The following CNTN3 variants were observed in gnomAD, a reference collection of about 807,000 sequenced individuals.
CNTN3 encodes contactin-3.
A neutral mutation model predicts 119.1 loss-of-function variants in CNTN3; 60 were observed. The observed-to-expected ratio is 0.50, with a 90% CI of 0.41 to 0.62. CNTN3 has a LOEUF of 0.62. Ranked by LOEUF, CNTN3 falls within the 20% of genes least tolerant of loss-of-function variation. The pLI is 0.00. For synonymous variants in CNTN3, 450 were observed against 438.7 expected (o/e 1.03, Z -0.32); for missense variants, 1,101 against 1,242.4 (o/e 0.89, Z 1.71).
intron 5 of CNTN3, among the ~76,000 whole-genome samples, chr3:74,393,023 C>T (rs1180755712): frequency 6.6e-6 from 1 of 151,978 alleles, no homozygotes; most frequent in Non-Finnish European, 1.5e-5. Flanking sequence ...TCAAAAGGTG[C>T]TATTTTAAGA....
Position 74,512,711 on chromosome 3 carries a change from A to AAG in CNTN3, c.55+8346_55+8347insCT, listed in dbSNP as rs1345646895. ...ATCAAGCAAAAAAAAAAAAAAAAAA[A>AAG]AAAAGAAAGAAAGAAACATGTCATT... is the stretch of plus-strand genomic sequence containing the variant. On this transcript the variant is annotated intron_variant, in intron 2 of 22. Transcript: ENST00000263665. 8.6e-5 allele frequency among the ~76,000 whole-genome samples: 13 copies of AAG among 150,542 alleles called. No homozygotes were observed. The East Asian group carries it at 2.3e-3, about 27-fold the overall frequency.
At chr3:74,577,607 C>A (rs990882826) in intron 1 of CNTN3, among the ~76,000 whole-genome samples, 4 of 152,038 alleles carry the variant, frequency 2.6e-5, no homozygotes, top group Non-Finnish European at 4.4e-5. Flanking sequence ...CTCATTCACC[C>A]AAAACAGAAA....
At chr3:74,512,436 A>G (rs967660710) in intron 2 of CNTN3, among the ~76,000 whole-genome samples, 31 of 152,214 alleles carry the variant, frequency 2.0e-4, no homozygotes, top group Non-Finnish European at 4.6e-4. Context: ...GGGAATCAGT[A>G]TAATGCCCAC....
chr3:74,468,861 TC>T (rs1293279652), intron 4 of CNTN3, among the ~76,000 whole-genome samples: 4 of 152,182 alleles, frequency 2.6e-5, no homozygotes, highest in Non-Finnish European at 5.9e-5. Context: ...AACATTATTT[TC>T]CAAACTGAAT....
chr3:74,501,141 G>C (rs1411818156), intron 2 of CNTN3, among the ~76,000 whole-genome samples: 1 of 151,682 alleles, frequency 6.6e-6, no homozygotes, highest in Non-Finnish European at 1.5e-5. Context: ...GGCCACACTA[G>C]ATCTTAGGGT....
In CNTN3 at chr3:74,313,831, T is replaced by A. The variant is rs376622275; in HGVS notation, c.1669-11024A>T. ...TTCTAAATGTGTCAGACCCTCAATC[T>A]CTCCTGGATCTGGGGAAAGACATAG... On this transcript the variant is annotated intron_variant, in intron 13 of 22. Transcript: ENST00000263665. Among the ~76,000 whole-genome samples the A allele has an allele frequency of 1.3e-4, 19 of 151,870 alleles. 1 individual carries two copies. The East Asian group carries it at 2.5e-3, about 20-fold the overall frequency.
chr3:74,566,330 G>A, intron 1 of CNTN3, among the ~76,000 whole-genome samples: 1 of 152,044 alleles, frequency 6.6e-6, no homozygotes, highest in East Asian at 1.9e-4. Context: ...GGGAGCAAAG[G>A]GAAGGTGTAT....
intron 13 of CNTN3, among the ~76,000 whole-genome samples, chr3:74,325,045 C>T (rs1261433812): frequency 1.3e-5 from 2 of 151,604 alleles, no homozygotes; most frequent in Non-Finnish European, 2.9e-5. Context: ...TAAATATGTA[C>T]AATTGTTGCA....
intron 1 of CNTN3, among the ~76,000 whole-genome samples, chr3:74,599,409 C>T (rs1244841714): frequency 6.6e-6 from 1 of 152,102 alleles, no homozygotes; most frequent in Admixed American, 6.5e-5. Context: ...TCAGCACTCT[C>T]CAACCTTTTT....
At chr3:74,483,061 G>A (rs547177222) in intron 4 of CNTN3, among the ~76,000 whole-genome samples, 1 of 152,158 alleles carries the variant, frequency 6.6e-6, no homozygotes, top group Non-Finnish European at 1.5e-5. Flanking sequence ...AATACCCAAT[G>A]TTGCTTCTTG....
At chr3:74,306,594 C>G (rs547319406) in intron 13 of CNTN3, among the ~76,000 whole-genome samples, 6 of 152,136 alleles carry the variant, frequency 3.9e-5, no homozygotes, top group Non-Finnish European at 8.8e-5. Flanking sequence ...AACTTCCCCT[C>G]AAAGCCCACT....
intron 11 of CNTN3, among the ~76,000 whole-genome samples, chr3:74,342,842 A>AT (rs1703580421): frequency 6.6e-6 from 1 of 152,218 alleles, no homozygotes; most frequent in African/African-American, 2.4e-5. Context: ...TAAGTAACTC[A>AT]TAAGGCCCAG....
intron 5 of CNTN3, among the ~76,000 whole-genome samples, chr3:74,378,235 T>C (rs1190846803): frequency 2.6e-5 from 4 of 152,172 alleles, no homozygotes; most frequent in South Asian, 2.1e-4. Context: ...TCTAAAACAA[T>C]GTAGAAAACT....
At chr3:74,456,837 G>C (rs1324161796) in intron 4 of CNTN3, among the ~76,000 whole-genome samples, 3 of 152,022 alleles carry the variant, frequency 2.0e-5, no homozygotes, top group African/African-American at 7.2e-5. Flanking sequence ...CACAGAGTTT[G>C]AAATGTTCTT....
chr3:74,348,315 T>C (rs1025364231), intron 11 of CNTN3, among the ~76,000 whole-genome samples: 3 of 152,216 alleles, frequency 2.0e-5, no homozygotes, highest in Non-Finnish European at 4.4e-5. Context: ...CTTAAATATA[T>C]GTAATTTTTA....
intron 5 of CNTN3, among the ~76,000 whole-genome samples, chr3:74,392,592 G>A (rs1282584963): frequency 6.6e-6 from 1 of 152,176 alleles, no homozygotes; most frequent in African/African-American, 2.4e-5. Flanking sequence ...TGGTGCTAAT[G>A]AGCATATAGT....
At chr3:74,526,688 T>C (rs1703624082) in intron 1 of CNTN3, among the ~76,000 whole-genome samples, 1 of 151,868 alleles carries the variant, frequency 6.6e-6, no homozygotes, top group Admixed American at 6.6e-5. Flanking sequence ...TGTGCCCAGT[T>C]TGATGTTACC....
At chr3:74,524,025 C>T (rs1703580403) in intron 1 of CNTN3, among the ~76,000 whole-genome samples, 2 of 151,816 alleles carry the variant, frequency 1.3e-5, no homozygotes, top group African/African-American at 4.8e-5. Context: ...GAGTGAAAAG[C>T]ATTTCTACTG....
intron 19 of CNTN3, among the ~76,000 whole-genome samples, chr3:74,293,556 C>G (rs1430371043): frequency 6.6e-6 from 1 of 152,130 alleles, no homozygotes; most frequent in Non-Finnish European, 1.5e-5. Flanking sequence ...CTCACTGAAG[C>G]CTCGACCTCC....
Sources: allele counts gnomAD v4.1 joint callset (sites outside exome capture counted in the v4.1 genomes callset), GRCh38; gene constraint gnomAD v4.1.1; transcripts MANE v1.5; gene names NCBI Gene and HGNC (gene_info 2026-07-23, HGNC 2026-07-21).